The following AFAP1L1 variants were observed in gnomAD, a reference collection of about 807,000 sequenced individuals.
AFAP1L1 encodes the protein actin filament-associated protein 1-like 1.
Under a neutral mutation model 99.8 loss-of-function variants are expected in AFAP1L1, and 77 were observed. The observed-to-expected ratio is 0.77, with a 90% CI of 0.64 to 0.93. AFAP1L1 has a LOEUF of 0.93. Ranked by LOEUF, AFAP1L1 falls within the 40% of genes least tolerant of loss-of-function variation. The pLI, the probability that AFAP1L1 is intolerant of heterozygous loss-of-function variation, is 0.00. For missense variants in AFAP1L1, 893 were observed against 996.8 expected, an observed-to-expected ratio of 0.90 and a Z score of 1.40; for synonymous variants, 373 against 395.3, an observed-to-expected ratio of 0.94 and a Z score of 0.67.
chr5:149,312,740 G>A (rs1192489630), intron 9 of AFAP1L1, among the ~76,000 whole-genome samples: 2 of 151,926 alleles, frequency 1.3e-5, no homozygotes, highest in African/African-American at 2.4e-5. Context: ...AGTGAGCCAC[G>A]ATTGCGTCAC....
chr5:149,287,068 GGTAAAGGCACTGAGT>G (rs1441545140), intron 1 of AFAP1L1, among the ~76,000 whole-genome samples: 3 of 152,216 alleles, frequency 2.0e-5, no homozygotes, highest in Middle Eastern at 3.4e-3. Flanking sequence ...GAGCAAATGA[GGTAAAGGCACTGAGT>G]GTTAGGCACA....
At chr5:149,272,489 G>A (rs1435696739) in intron 1 of AFAP1L1, among the ~76,000 whole-genome samples, 1 of 152,128 alleles carries the variant, frequency 6.6e-6, no homozygotes, top group Non-Finnish European at 1.5e-5. Flanking sequence ...AGGAGGCGGG[G>A]GTGGTTCTAT....
At chr5:149,323,125 A>AT (rs1020316035) in intron 15 of AFAP1L1, among the ~76,000 whole-genome samples, 5 of 151,500 alleles carry the variant, frequency 3.3e-5, no homozygotes, top group East Asian at 1.9e-4. Flanking sequence ...ATCAGCAACT[A>AT]TTTTTTTTTA....
chr5:149,313,210 A>G (rs541429056), intron 9 of AFAP1L1, among the ~76,000 whole-genome samples: 230 of 152,152 alleles, frequency 1.5e-3, no homozygotes, highest in Non-Finnish European at 2.9e-3. Flanking sequence ...CTGTTAGCAA[A>G]TATGTCCCAG....
intron 14 of AFAP1L1, among the ~76,000 whole-genome samples, chr5:149,321,116 T>A (rs1756940658): frequency 6.6e-6 from 1 of 152,358 alleles, no homozygotes; most frequent in South Asian, 2.1e-4. Flanking sequence ...ACAACAGATG[T>A]GTCTGCAGAC....
At chr5:149,326,416 G>A (rs2127601932) in intron 15 of AFAP1L1, among the ~76,000 whole-genome samples, 1 of 151,982 alleles carries the variant, frequency 6.6e-6, no homozygotes, top group African/African-American at 2.4e-5. Flanking sequence ...GCGGGCACCT[G>A]TAATCCCAGC....
chr5:149,299,037 A>G (rs1365976801), intron 1 of AFAP1L1, among the ~76,000 whole-genome samples: 1 of 152,238 alleles, frequency 6.6e-6, no homozygotes, highest in Non-Finnish European at 1.5e-5. Flanking sequence ...AAGGTTCCAG[A>G]GATTGAAGCA....
chr5:149,318,947 G>A (rs1011858268), intron 12 of AFAP1L1, among the ~76,000 whole-genome samples: 8 of 152,034 alleles, frequency 5.3e-5, no homozygotes, highest in African/African-American at 9.7e-5. Context: ...AAAAAATATC[G>A]CCTCCGTAAC....
At position 149,342,440 on chromosome 5, in the gene AFAP1L1, C is replaced by T. The variant is rs1433426788; in HGVS notation, c.*2410C>T. ...GAGCCTTATTCTTAATTTTAAAGCT[C>T]TATGTCATCCATATATCTCCCTCCC... On this transcript the variant is annotated 3_prime_UTR_variant, in exon 19 of 19. Coordinates refer to ENST00000296721, the MANE Select transcript of AFAP1L1 (RefSeq NM_152406.4). Among the ~76,000 whole-genome samples, 1 of 152,210 alleles carries T rather than the reference C, an allele frequency of 6.6e-6. No homozygotes were observed. The highest frequency in any genetic ancestry group is 1.5e-5 in the Non-Finnish European group (1 of 68,044).
rs1189501483 is a variant in AFAP1L1, at chr5:149,343,445, T to G, written c.*3415T>G. ...GCTTTCCATCCTAAATCTCTAAAAT[T>G]CATCCATATCTTCCTATCTTCACTG... On this transcript the variant is annotated 3_prime_UTR_variant, in exon 19 of 19. Coordinates refer to ENST00000296721, the MANE Select transcript of AFAP1L1 (RefSeq NM_152406.4). 6.6e-6 allele frequency among the ~76,000 whole-genome samples: 1 copy of G among 152,038 alleles called. No homozygotes were observed. The highest frequency in any genetic ancestry group is 1.5e-5 in the Non-Finnish European group (1 of 68,014).
chr5:149,289,383 C>T (rs1755782451), intron 1 of AFAP1L1, among the ~76,000 whole-genome samples: 3 of 151,552 alleles, frequency 2.0e-5, no homozygotes, highest in Admixed American at 6.6e-5. Context: ...CTGCCTCTGC[C>T]GTCCCTCACA....
intron 1 of AFAP1L1, among the ~76,000 whole-genome samples, chr5:149,288,594 G>A (rs967955610): frequency 7.2e-5 from 11 of 152,326 alleles, no homozygotes; most frequent in South Asian, 2.1e-4. Flanking sequence ...AGGAGTGCGC[G>A]TGTGTGTCAC....
At chr5:149,322,055 G>A (rs1346530772) in intron 14 of AFAP1L1, among the ~76,000 whole-genome samples, 2 of 152,218 alleles carry the variant, frequency 1.3e-5, no homozygotes, top group African/African-American at 4.8e-5. Context: ...CAGAGAAGTA[G>A]ATAGTACTGT....
intron 1 of AFAP1L1, among the ~76,000 whole-genome samples, chr5:149,296,135 G>A (rs1322818254): frequency 1.3e-5 from 2 of 152,098 alleles, no homozygotes; most frequent in Non-Finnish European, 2.9e-5. Context: ...CCAGGATCAA[G>A]CAATCCTCCC....
Position 149,317,113 on chromosome 5 carries a change from C to G in AFAP1L1, c.1268-616C>G, listed in dbSNP as rs555164246. 2.6e-5 allele frequency among the ~76,000 whole-genome samples: 4 copies of G among 152,166 alleles called. No individual in the cohort carries two copies. In the East Asian group the frequency reaches 7.7e-4, roughly 29 times the overall value. ...CCAGGAGGTTGAGGCTGCAGTGAGC[C>G]GTGATAGAGACACTGTATTCCAGCC... is the stretch of plus-strand genomic sequence containing the variant. On this transcript the variant is annotated intron_variant, in intron 11 of 18. Transcript: ENST00000296721.
chr5:149,335,517 T>G, intron 17 of AFAP1L1, 77 bp from the exon 18 acceptor site: 1 of 1,506,042 alleles, frequency 6.6e-7, no homozygotes, highest in Non-Finnish European at 9.0e-7. Context: ...AGTGTCCTCA[T>G]GCTTTTGAGG....
intron 8 of AFAP1L1, among the ~76,000 whole-genome samples, chr5:149,311,903 T>C (rs1000687793): frequency 6.6e-6 from 1 of 152,182 alleles, no homozygotes; most frequent in Non-Finnish European, 1.5e-5. Flanking sequence ...TCCCCATCCT[T>C]GTATCTTTTC....
intron 12 of AFAP1L1, among the ~76,000 whole-genome samples, chr5:149,318,193 A>C (rs1348265291): frequency 6.6e-6 from 1 of 152,272 alleles, no homozygotes; most frequent in East Asian, 1.9e-4. Context: ...GTCCCACGCA[A>C]CATTGGAGCT....
Position 149,307,704 on chromosome 5 carries a change from G to T in AFAP1L1, c.747+91G>T, listed in dbSNP as rs1756465532. 6 of 1,368,900 alleles carry T rather than the reference G, an allele frequency of 4.4e-6. No homozygotes were observed. The Admixed American group carries it at 1.2e-4, about 27-fold the overall frequency. The allele number at this position is 1,368,900 out of a possible 1,614,324, so 84.8% of individuals were successfully genotyped here. On this transcript the variant is annotated intron_variant, in intron 7 of 18. Transcript: ENST00000296721. Reference sequence around the variant, plus strand: ...ATACATGTGGATATGTCTGCCTTGGGCATACCTGGATTGACTGTGTGCACA... The same window carrying T: ...ATACATGTGGATATGTCTGCCTTGGTCATACCTGGATTGACTGTGTGCACA...
Sources: gnomAD v4.1 joint callset for allele counts (sites outside exome capture counted in the v4.1 genomes callset) on GRCh38, gnomAD v4.1.1 for gene constraint, MANE v1.5 for transcripts, NCBI Gene and HGNC (gene_info 2026-07-23, HGNC 2026-07-21) for gene names.